Variants in PTPRR observed in about 807,000 individuals in gnomAD.
PTPRR encodes the protein receptor-type tyrosine-protein phosphatase R.
PTPRR carries 38 observed loss-of-function variants against 77.2 expected under a neutral mutation model. The observed-to-expected ratio is 0.49, with a 90% confidence interval of 0.38 to 0.65. The LOEUF is 0.65. PTPRR is among the 30% of genes least tolerant of loss of function. PTPRR has a pLI of 0.00. For synonymous variants in PTPRR, 299 were observed against 283.1 expected (o/e 1.06, Z -0.57); for missense variants, 744 against 799.2 (o/e 0.93, Z 0.83).
chr12:70,788,387 A>C (rs1055586153), intron 2 of PTPRR, among the ~76,000 whole-genome samples: 4 of 152,184 alleles, frequency 2.6e-5, no homozygotes, highest in Non-Finnish European at 4.4e-5. Flanking sequence ...GAATTAACCC[A>C]CTGTAACCCT....
intron 6 of PTPRR, among the ~76,000 whole-genome samples, chr12:70,726,303 A>G (rs1889433382): frequency 1.3e-5 from 2 of 152,068 alleles, no homozygotes; most frequent in Non-Finnish European, 2.9e-5. Context: ...GGCCCTAGAA[A>G]TGTATGTACA....
intron 1 of PTPRR, among the ~76,000 whole-genome samples, chr12:70,910,380 A>T (rs1893682992): frequency 6.6e-6 from 1 of 152,192 alleles, no homozygotes; most frequent in Non-Finnish European, 1.5e-5. Flanking sequence ...CTGAAGTATA[A>T]GCATGCCATT....
At chr12:70,895,257 A>G (rs1217421364) in intron 1 of PTPRR, among the ~76,000 whole-genome samples, 1 of 151,718 alleles carries the variant, frequency 6.6e-6, no homozygotes, top group Non-Finnish European at 1.5e-5. Context: ...GAAAGTAGAT[A>G]TCTTAAAAGA....
chr12:70,724,738 C>A (rs1321055713), intron 6 of PTPRR, among the ~76,000 whole-genome samples: 1 of 151,788 alleles, frequency 6.6e-6, no homozygotes, highest in Non-Finnish European at 1.5e-5. Context: ...ATTGCTGTTA[C>A]TATTATTAGC....
chr12:70,910,167 T>C (rs1459507182), intron 1 of PTPRR, among the ~76,000 whole-genome samples: 2 of 152,168 alleles, frequency 1.3e-5, no homozygotes, highest in African/African-American at 4.8e-5. Context: ...TTTTCACATG[T>C]TAATACAACT....
intron 2 of PTPRR, among the ~76,000 whole-genome samples, chr12:70,810,109 A>C (rs917889446): frequency 5.9e-5 from 9 of 152,118 alleles, no homozygotes; most frequent in African/African-American, 2.2e-4. Context: ...ACTATTTATC[A>C]CTCCTCATTT....
At chr12:70,877,903 T>G (rs1893079697) in intron 2 of PTPRR, among the ~76,000 whole-genome samples, 1 of 152,076 alleles carries the variant, frequency 6.6e-6, no homozygotes, top group South Asian at 2.1e-4. Flanking sequence ...AAAACAGAGA[T>G]ATAGATCAAT....
chr12:70,789,299 C>A (rs944416910), intron 2 of PTPRR, among the ~76,000 whole-genome samples: 1 of 152,034 alleles, frequency 6.6e-6, no homozygotes, highest in African/African-American at 2.4e-5. Context: ...TACTCATAAG[C>A]TAGTTTCATA....
chr12:70,845,084 T>A (rs949551005), intron 2 of PTPRR, among the ~76,000 whole-genome samples: 4 of 152,046 alleles, frequency 2.6e-5, no homozygotes, highest in African/African-American at 9.7e-5. Flanking sequence ...AAAGGAAGAT[T>A]TGGAAAGTTA....
chr12:70,650,892 C>G (rs544483339), intron 13 of PTPRR, among the ~76,000 whole-genome samples: 5 of 152,186 alleles, frequency 3.3e-5, no homozygotes, highest in Non-Finnish European at 5.9e-5. Flanking sequence ...TTCAAGGGAT[C>G]GTGACCAGTG....
chr12:70,707,939 A>G (rs556331933), intron 6 of PTPRR, among the ~76,000 whole-genome samples: 1 of 151,984 alleles, frequency 6.6e-6, no homozygotes, highest in East Asian at 1.9e-4. Flanking sequence ...TAATCTATCT[A>G]CTGTGTATTT....
At chr12:70,645,617 C>T (rs948973783) in intron 13 of PTPRR, among the ~76,000 whole-genome samples, 3 of 152,142 alleles carry the variant, frequency 2.0e-5, no homozygotes, top group African/African-American at 7.2e-5. Flanking sequence ...GTGGTGTTAG[C>T]CACGTGGCTT....
chr12:70,847,083 G>A (rs1892497416), intron 2 of PTPRR, among the ~76,000 whole-genome samples: 1 of 152,138 alleles, frequency 6.6e-6, no homozygotes, highest in Non-Finnish European at 1.5e-5. Flanking sequence ...TTCCTGCTTT[G>A]AAGGATGTGA....
chr12:70,796,612 A>G (rs903586515), intron 2 of PTPRR, among the ~76,000 whole-genome samples: 2 of 152,214 alleles, frequency 1.3e-5, no homozygotes, highest in African/African-American at 4.8e-5. Flanking sequence ...CATCTCTTCC[A>G]TTGAGAATTT....
intron 2 of PTPRR, among the ~76,000 whole-genome samples, chr12:70,773,536 A>T (rs1000158951): frequency 6.6e-6 from 1 of 152,130 alleles, no homozygotes; most frequent in Non-Finnish European, 1.5e-5. Context: ...TTAGAAGCAT[A>T]ATTCTATTCC....
intron 6 of PTPRR, among the ~76,000 whole-genome samples, chr12:70,723,839 A>G (rs1889343277): frequency 6.6e-6 from 1 of 152,056 alleles, no homozygotes; most frequent in African/African-American, 2.4e-5. Context: ...CTGAAGTTTT[A>G]TTTTTTATTG....
chr12:70,809,295 G>A (rs1748612587), intron 2 of PTPRR, among the ~76,000 whole-genome samples: 1 of 152,142 alleles, frequency 6.6e-6, no homozygotes, highest in African/African-American at 2.4e-5. Context: ...GAAGGCAAAT[G>A]CAAAGGATGG....
At chr12:70,667,730 T>C (rs1014726449) in intron 10 of PTPRR, among the ~76,000 whole-genome samples, 5 of 152,082 alleles carry the variant, frequency 3.3e-5, no homozygotes, top group Non-Finnish European at 5.9e-5. Context: ...AGCGACAGCA[T>C]TCATAATATC....
chr12:70,720,565 G>A (rs909456080), intron 6 of PTPRR, among the ~76,000 whole-genome samples: 1 of 147,306 alleles, frequency 6.8e-6, no homozygotes, highest in Non-Finnish European at 1.5e-5. Context: ...AGGCTGGAGT[G>A]CAGTTGCATG....
Sources: allele counts gnomAD v4.1 joint callset (sites outside exome capture counted in the v4.1 genomes callset), GRCh38; gene constraint gnomAD v4.1.1; transcripts MANE v1.5; gene names NCBI Gene and HGNC (gene_info 2026-07-23, HGNC 2026-07-21).